Variants in NIPSNAP2 observed in about 807,000 individuals in gnomAD.
The protein encoded by NIPSNAP2 is nipsnap homolog 2.
NIPSNAP2 carries 42 observed loss-of-function variants against 48.4 expected under a neutral mutation model. That is an observed-to-expected ratio of 0.87 (90% CI 0.68 to 1.12). The LOEUF is 1.12. Ranked by LOEUF, NIPSNAP2 falls within the 50% of genes most tolerant of loss-of-function variation. The pLI, the probability that NIPSNAP2 is intolerant of heterozygous loss-of-function variation, is 0.00. For synonymous variants in NIPSNAP2, 158 were observed against 126.6 expected, an observed-to-expected ratio of 1.25 and a Z score of -1.67; for missense variants, 314 against 347.3, an observed-to-expected ratio of 0.90 and a Z score of 0.76.
At chr7:55,995,145 G>A (rs765329380) in intron 8 of NIPSNAP2, among the ~76,000 whole-genome samples, 157 bp downstream of exon 8, 6 of 152,160 alleles carry the variant, frequency 3.9e-5, no homozygotes, top group Non-Finnish European at 8.8e-5. Flanking sequence ...GAACTAGCGA[G>A]GTCAACAGTG....
chr7:55,966,964 C>T (rs566022379), intron 1 of NIPSNAP2, among the ~76,000 whole-genome samples: 4 of 152,146 alleles, frequency 2.6e-5, no homozygotes, highest in African/African-American at 7.2e-5. Flanking sequence ...GAGTGCCATC[C>T]GCTGCCAAAG....
Position 55,976,811 on chromosome 7 carries a change from C to A in NIPSNAP2, c.93-1315C>A, listed in dbSNP as rs192147272. 4.8e-3 allele frequency among the ~76,000 whole-genome samples: 729 copies of A among 152,114 alleles called. 19 individuals carry two copies. The highest frequency in any genetic ancestry group is 0.043 in the Admixed American group (651 of 15,280). ...GCTGAGGTGGGACGATCACTTGAGCCCAGGAATTTGAGGCTACAGTGAACT... is the reference window on the plus strand; with the variant it reads ...GCTGAGGTGGGACGATCACTTGAGCACAGGAATTTGAGGCTACAGTGAACT... On this transcript the variant is annotated intron_variant, in intron 1 of 9. Transcript: ENST00000322090.
intron 6 of NIPSNAP2, 39 bp from the exon 7 acceptor site, chr7:55,984,808 A>G: frequency 6.4e-7 from 1 of 1,564,574 alleles, no homozygotes; most frequent in Non-Finnish European, 8.7e-7. Context: ...TTTTTTTTTC[A>G]CAGAAGAACT....
intron 1 of NIPSNAP2, among the ~76,000 whole-genome samples, chr7:55,977,592 ATC>A (rs1026051826): frequency 6.6e-6 from 1 of 152,208 alleles, no homozygotes; most frequent in African/African-American, 2.4e-5. Flanking sequence ...CATCACCACT[ATC>A]TGTTTCCAAA....
chr7:55,998,195 G>A (rs1245371814), intron 9 of NIPSNAP2, among the ~76,000 whole-genome samples: 1 of 151,742 alleles, frequency 6.6e-6, no homozygotes, highest in Non-Finnish European at 1.5e-5. Flanking sequence ...AACCTGGGAG[G>A]TGGAGATTGT....
intron 7 of NIPSNAP2, among the ~76,000 whole-genome samples, chr7:55,986,750 A>C (rs1787336269): frequency 6.6e-6 from 1 of 152,158 alleles, no homozygotes; most frequent in Admixed American, 6.6e-5. Context: ...AATATTTGCA[A>C]ATCATATGTC....
At chr7:55,973,829 A>G (rs1787057503) in intron 1 of NIPSNAP2, among the ~76,000 whole-genome samples, 1 of 152,056 alleles carries the variant, frequency 6.6e-6, no homozygotes. Context: ...AAATCTTTAT[A>G]TCTGGTTTCT....
rs1787643381 is a variant in NIPSNAP2 at position 55,999,940 on chromosome 7, A to C, written c.*868A>C. 6.6e-6 allele frequency: 1 copy of C among 152,640 alleles called. No individual in the cohort carries two copies. The highest frequency in any genetic ancestry group is 2.4e-5 in the African/African-American group (1 of 41,458). The allele number at this position is 152,640 out of a possible 1,614,324, so 9.5% of individuals were successfully genotyped here. On this transcript the variant is annotated 3_prime_UTR_variant, in exon 10 of 10. Coordinates refer to ENST00000322090, the MANE Select transcript of NIPSNAP2 (RefSeq NM_001483.3). ...TGAGGGGTGGTGCATGTTGAGATTT[A>C]AATTGGCATAAAGCTGCATACTTTT...
intron 3 of NIPSNAP2, chr7:55,980,399 T>G (rs1160523126): frequency 2.6e-5 from 4 of 153,522 alleles, no homozygotes; most frequent in Non-Finnish European, 5.8e-5. Context: ...TAGCACATGG[T>G]ACTTACATAC....
intron 1 of NIPSNAP2, among the ~76,000 whole-genome samples, chr7:55,974,910 C>A (rs1401737089): frequency 6.6e-6 from 1 of 150,688 alleles, no homozygotes; most frequent in Non-Finnish European, 1.5e-5. Flanking sequence ...CTAAAGAGAT[C>A]CCCAAGAAGA....
rs770403238 is a variant in NIPSNAP2 at position 55,994,997 on chromosome 7, T to A, written c.712+9T>A. The A allele has an allele frequency of 3.1e-6, 5 of 1,609,882 alleles. No homozygotes were observed. Among genetic ancestry groups the A allele is most frequent in the Non-Finnish European group, 4.3e-6 (5 of 1,176,148 alleles). ...GGTGCACCATCTTTGGGGTATCTGTTTTTCCCTTTTCGAGTTACTGGGATT... is the reference window on the plus strand; with the variant it reads ...GGTGCACCATCTTTGGGGTATCTGTATTTCCCTTTTCGAGTTACTGGGATT... On this transcript the variant is annotated intron_variant, in intron 8 of 9. Transcript: ENST00000322090.
In NIPSNAP2 at chr7:55,991,944, A is replaced by C. The variant is rs140507699; in HGVS notation, c.618-2950A>C. 2.2e-3 allele frequency: 402 copies of C among 184,644 alleles called. 3 individuals carry two copies. Among genetic ancestry groups the C allele is most frequent in the African/African-American group, 8.7e-3 (366 of 41,880 alleles). 11.4% of individuals were successfully genotyped at this position (184,644 alleles called of 1,614,324 possible). The stretch of plus-strand genomic sequence containing the variant: ...TACAAAAATTCAGAATGAAATGAAT[A>C]ATCTGGAATATTTATCACTATCAAT... On this transcript the variant is annotated intron_variant, in intron 7 of 9. Transcript: ENST00000322090.
chr7:55,978,127 A>G lies in NIPSNAP2; in HGVS notation c.94A>G (p.Thr32Ala), dbSNP rs773000767. 6.2e-7 allele frequency: 1 copy of G among 1,614,152 alleles called. No individual in the cohort carries two copies. Among genetic ancestry groups the G allele is most frequent in the African/African-American group, 1.3e-5 (1 of 75,054 alleles). Residue 32 changes from threonine (T) to alanine (A), a missense_variant and splice_region_variant, in exon 2 of 10, where the codon ACA becomes GCA. Physicochemically the swap from Thr to Ala is moderately conservative, Grantham distance 58 (BLOSUM62 0). Around this residue, in one of 2 missense-constraint regions of NIPSNAP2, gnomAD observed 198 missense variants for 185.5 expected, o/e 1.07. Coordinates refer to ENST00000322090, the MANE Select transcript of NIPSNAP2 (RefSeq NM_001483.3). The stretch of plus-strand genomic sequence containing the variant: ...GACAACACCTTTGTTATTCCATAGG[A>G]CATGGACATCTTCCAGCAACAGATC... ...APCSLLPRLRTWTSSSNRSRE... is the reference protein window; with the variant it reads ...APCSLLPRLRAWTSSSNRSRE...
At chr7:55,982,024 C>G in intron 4 of NIPSNAP2, 186 bp from the exon 5 acceptor site, 2 of 414,446 alleles carry the variant, frequency 4.8e-6, no homozygotes, top group Non-Finnish European at 9.0e-6. Context: ...CCAGGCTGGT[C>G]TGGAACTCCT....
chr7:55,978,286 C>CT (rs1562763828), intron 2 of NIPSNAP2, 21 bp downstream of exon 2: 1 of 1,613,334 alleles, frequency 6.2e-7, no homozygotes, highest in East Asian at 2.2e-5. Context: ...GGTTTGCTAT[C>CT]TTCATAGTTG....
At chr7:55,979,619 C>A (rs1241578037) in intron 3 of NIPSNAP2, 1 of 355,622 alleles carries the variant, frequency 2.8e-6, no homozygotes, top group African/African-American at 2.1e-5. Flanking sequence ...AGCTTTTTTT[C>A]TGACTACCTT....
chr7:55,975,901 G>A (rs759467450), intron 1 of NIPSNAP2, among the ~76,000 whole-genome samples: 3 of 152,124 alleles, frequency 2.0e-5, no homozygotes, highest in Admixed American at 6.5e-5. Context: ...AGCCGTGCAC[G>A]GTGGCACACC....
intron 1 of NIPSNAP2, among the ~76,000 whole-genome samples, chr7:55,974,837 G>T (rs1180218335): frequency 3.8e-5 from 5 of 130,090 alleles, no homozygotes; most frequent in African/African-American, 1.4e-4. Context: ...AACAGAGCGC[G>T]ACTCTGTCTT....
At chr7:55,967,629 G>A (rs1387885461) in intron 1 of NIPSNAP2, among the ~76,000 whole-genome samples, 1 of 114,388 alleles carries the variant, frequency 8.7e-6, no homozygotes, top group Non-Finnish European at 1.9e-5. Context: ...ACCATGCCCA[G>A]CTATTATTTA....
Sources: allele counts gnomAD v4.1 joint callset (sites outside exome capture counted in the v4.1 genomes callset), GRCh38; gene constraint gnomAD v4.1.1; regional missense constraint gnomAD v4.1.1; transcripts MANE v1.5; gene names NCBI Gene and HGNC (gene_info 2026-07-23, HGNC 2026-07-21).